Variants in ROBO1 observed in about 807,000 individuals in gnomAD.
The protein encoded by ROBO1 is roundabout homolog 1.
In ROBO1, 149 loss-of-function variants were observed where a neutral mutation model predicts 195.9. The observed-to-expected ratio is 0.76, with a 90% CI of 0.67 to 0.87. ROBO1 has a LOEUF of 0.87. Among genes scored for constraint, ROBO1 ranks in the 40% least tolerant of loss-of-function variants. ROBO1 has a pLI of 0.00. For missense variants in ROBO1, 1,933 were observed against 2,068.3 expected (o/e 0.93, Z 1.27); for synonymous variants, 816 against 733.2 (o/e 1.11, Z -1.82).
In ROBO1 at chr3:79,579,520, A is replaced by G. The variant is rs189961817; in HGVS notation, c.88+10304T>C. Among the ~76,000 whole-genome samples, 332 of 152,322 alleles carry G rather than the reference A, an allele frequency of 2.2e-3. 2 individuals carry two copies. The highest frequency in any genetic ancestry group is 3.9e-3 in the Non-Finnish European group (266 of 68,032). ...CCAAGTCTTTTGGAAAGGATGAAAG[A>G]AACTTCAAAGCAATGAGAGATTGGT... On this transcript the variant is annotated intron_variant, in intron 2 of 30. Coordinates refer to ENST00000464233, the MANE Select transcript of ROBO1 (RefSeq NM_002941.4).
intron 30 of ROBO1, 111 bp downstream of exon 30, chr3:78,600,002 C>G (rs771195268): frequency 1.1e-6 from 1 of 882,374 alleles, no homozygotes; most frequent in South Asian, 1.4e-5. Context: ...CATTAGAGTA[C>G]TGAAAAGTTT....
intron 10 of ROBO1, among the ~76,000 whole-genome samples, chr3:78,685,408 A>G (rs1385514201): frequency 1.3e-5 from 2 of 152,148 alleles, no homozygotes; most frequent in Non-Finnish European, 2.9e-5. Context: ...GTACTAAATT[A>G]TAGAGGAAAG....
chr3:79,170,588 C>T (rs2081148079), intron 2 of ROBO1, among the ~76,000 whole-genome samples: 1 of 152,066 alleles, frequency 6.6e-6, no homozygotes, highest in African/African-American at 2.4e-5. Flanking sequence ...CTTTCCTTGT[C>T]TAAACTAAGG....
chr3:79,616,714 T>A lies in ROBO1; in HGVS notation c.-50-26753A>T, dbSNP rs796097736. Among the ~76,000 whole-genome samples the A allele has an allele frequency of 4.6e-5, 7 of 152,188 alleles. 1 individual carries two copies. The highest frequency in any genetic ancestry group is 1.7e-4 in the African/African-American group (7 of 41,520). On this transcript the variant is annotated intron_variant, in intron 1 of 30. Transcript: ENST00000464233. ...GAGAGGATCTTCTCTCACCCCCTTA[T>A]CCACTGCTGTGGATATGGCATGTCT...
At chr3:79,264,698 G>A (rs754169291) in intron 2 of ROBO1, among the ~76,000 whole-genome samples, 2 of 151,790 alleles carry the variant, frequency 1.3e-5, no homozygotes, top group African/African-American at 4.8e-5. Flanking sequence ...TTATAGACCC[G>A]TAAATTTCTG....
chr3:79,765,480 G>T (rs1187815979), intron 1 of ROBO1, among the ~76,000 whole-genome samples: 1 of 152,102 alleles, frequency 6.6e-6, no homozygotes, highest in Non-Finnish European at 1.5e-5. Flanking sequence ...CATGATGCAT[G>T]CTTACAGATT....
chr3:79,226,539 CTTTCT>C (rs1195285179), intron 2 of ROBO1, among the ~76,000 whole-genome samples: 2 of 150,366 alleles, frequency 1.3e-5, no homozygotes, highest in Admixed American at 6.6e-5. Flanking sequence ...ATTTTTCTTT[CTTTCT>C]TTTTTTTTTT....
intron 1 of ROBO1, among the ~76,000 whole-genome samples, chr3:79,652,769 C>T (rs1560071941): frequency 6.6e-6 from 1 of 151,804 alleles, no homozygotes; most frequent in Non-Finnish European, 1.5e-5. Flanking sequence ...AAAATAAATA[C>T]AAAAAAATTG....
At chr3:78,735,273 C>T (rs1450053202) in intron 5 of ROBO1, among the ~76,000 whole-genome samples, 1 of 152,040 alleles carries the variant, frequency 6.6e-6, no homozygotes, top group East Asian at 1.9e-4. Context: ...ATCAACAGTC[C>T]TCAAAATACT....
chr3:79,656,250 T>A (rs1177768157), intron 1 of ROBO1, among the ~76,000 whole-genome samples: 1 of 151,934 alleles, frequency 6.6e-6, no homozygotes, highest in East Asian at 1.9e-4. Flanking sequence ...CTTTTTTTTT[T>A]TAAATTTAAA....
chr3:79,090,121 G>C (rs2079449976), intron 3 of ROBO1, among the ~76,000 whole-genome samples: 1 of 151,696 alleles, frequency 6.6e-6, no homozygotes, highest in African/African-American at 2.4e-5. Flanking sequence ...TCTATTTTCA[G>C]TAGAGACGGG....
At chr3:79,470,066 T>C (rs975003271) in intron 2 of ROBO1, among the ~76,000 whole-genome samples, 2 of 152,162 alleles carry the variant, frequency 1.3e-5, no homozygotes, top group Non-Finnish European at 2.9e-5. Context: ...GCAGGTTTGT[T>C]ACATATGTAT....
chr3:78,901,401 A>C (rs1257303461), intron 4 of ROBO1, among the ~76,000 whole-genome samples: 3 of 152,212 alleles, frequency 2.0e-5, no homozygotes, highest in African/African-American at 7.2e-5. Context: ...TACAAAGAAA[A>C]TGATTTAATA....
intron 2 of ROBO1, among the ~76,000 whole-genome samples, chr3:79,161,541 GA>G (rs2080966694): frequency 6.6e-6 from 1 of 152,014 alleles, no homozygotes; most frequent in Middle Eastern, 3.4e-3. Context: ...TTGAAAAAAA[GA>G]AATGTCATTG....
chr3:79,762,111 G>A (rs1047126584), intron 1 of ROBO1, among the ~76,000 whole-genome samples: 1 of 152,176 alleles, frequency 6.6e-6, no homozygotes, highest in African/African-American at 2.4e-5. Context: ...CTATGGAATA[G>A]GTGCCTTGTA....
chr3:79,455,101 G>A (rs1401493852), intron 2 of ROBO1, among the ~76,000 whole-genome samples: 1 of 151,688 alleles, frequency 6.6e-6, no homozygotes, highest in African/African-American at 2.4e-5. Context: ...AAAACTCAGC[G>A]AGTTTAGTTT....
At chr3:78,744,994 A>T (rs2082621658) in intron 5 of ROBO1, among the ~76,000 whole-genome samples, 1 of 152,138 alleles carries the variant, frequency 6.6e-6, no homozygotes, top group African/African-American at 2.4e-5. Context: ...CTGAGTTTTG[A>T]TCAAGTTGCA....
At chr3:79,646,254 T>C (rs1186689657) in intron 1 of ROBO1, among the ~76,000 whole-genome samples, 2 of 152,040 alleles carry the variant, frequency 1.3e-5, no homozygotes, top group African/African-American at 4.8e-5. Flanking sequence ...ACAAAAGATC[T>C]GAATAGACAC....
chr3:78,694,217 C>T (rs545722212), intron 8 of ROBO1, among the ~76,000 whole-genome samples: 1 of 152,100 alleles, frequency 6.6e-6, no homozygotes, highest in Non-Finnish European at 1.5e-5. Flanking sequence ...TTTCATTTCT[C>T]TCTATTTTAT....
Sources: gnomAD v4.1 joint callset for allele counts (sites outside exome capture counted in the v4.1 genomes callset) on GRCh38, gnomAD v4.1.1 for gene constraint, MANE v1.5 for transcripts, NCBI Gene and HGNC (gene_info 2026-07-23, HGNC 2026-07-21) for gene names.